The following SLC7A1 variants were observed in gnomAD, a reference collection of about 807,000 sequenced individuals.
SLC7A1 encodes the protein high affinity cationic amino acid transporter 1.
In SLC7A1, 10 loss-of-function variants were observed where a neutral mutation model predicts 53.9. That is an observed-to-expected ratio of 0.19 (90% CI 0.11 to 0.31). SLC7A1 has a LOEUF of 0.31. Among genes scored for constraint, SLC7A1 ranks in the 10% least tolerant of loss-of-function variants. SLC7A1 has a pLI of 1.00. For synonymous variants in SLC7A1, 342 were observed against 338.7 expected (o/e 1.01, Z -0.11); for missense variants, 525 against 827.2 (o/e 0.63, Z 4.48).
chr13:29,528,266 TCAACAGGCTTCC>T (rs1358448655), intron 5 of SLC7A1, among the ~76,000 whole-genome samples: 2 of 152,216 alleles, frequency 1.3e-5, no homozygotes, highest in African/African-American at 4.8e-5. Flanking sequence ...CAAAACCTTC[TCAACAGGCTTCC>T]ATGCAGGGTT....
chr13:29,591,173 T>C (rs1235595601), intron 1 of SLC7A1, among the ~76,000 whole-genome samples: 3 of 152,158 alleles, frequency 2.0e-5, no homozygotes, highest in East Asian at 3.8e-4. Flanking sequence ...TCCAGTATAA[T>C]AGTTAACACT....
At chr13:29,575,798 C>T (rs1361736710) in intron 1 of SLC7A1, among the ~76,000 whole-genome samples, 1 of 152,152 alleles carries the variant, frequency 6.6e-6, no homozygotes, top group African/African-American at 2.4e-5. Flanking sequence ...ATTTCTGTCC[C>T]TGTTTGAGGG....
At chr13:29,527,383 G>A (rs1426344400) in intron 5 of SLC7A1, among the ~76,000 whole-genome samples, 1 of 152,194 alleles carries the variant, frequency 6.6e-6, no homozygotes, top group African/African-American at 2.4e-5. Flanking sequence ...AAAAGATTGG[G>A]TGTTACTGAT....
chr13:29,564,715 G>T (rs1233794605), intron 1 of SLC7A1, among the ~76,000 whole-genome samples: 1 of 152,232 alleles, frequency 6.6e-6, no homozygotes, highest in African/African-American at 2.4e-5. Flanking sequence ...CCATGGACTA[G>T]CTGAATAAGC....
At chr13:29,532,699 A>C in intron 4 of SLC7A1, 125 bp downstream of exon 4, 1 of 895,334 alleles carries the variant, frequency 1.1e-6, no homozygotes, top group Non-Finnish European at 1.7e-6. Context: ...GCAGTACAAA[A>C]ACAAAACAAA....
At position 29,580,606 on chromosome 13, in the gene SLC7A1, T is replaced by C. The variant is rs3803268; in HGVS notation, c.-115+14810A>G. Among the ~76,000 whole-genome samples the C allele has an allele frequency of 2.6e-4, 39 of 152,304 alleles. No homozygotes were observed. In the East Asian group the frequency reaches 6.2e-3, roughly 24 times the overall value. On this transcript the variant is annotated intron_variant, in intron 1 of 12. Coordinates refer to ENST00000380752, the MANE Select transcript of SLC7A1 (RefSeq NM_003045.5). ...ACTAAACAATCAAGACATGTCTCCTTACCTGATTGATTTTCCCTCTCCAGC... is the reference window on the plus strand; with the variant it reads ...ACTAAACAATCAAGACATGTCTCCTCACCTGATTGATTTTCCCTCTCCAGC...
At chr13:29,570,787 G>A (rs1476880334) in intron 1 of SLC7A1, among the ~76,000 whole-genome samples, 1 of 151,674 alleles carries the variant, frequency 6.6e-6, no homozygotes, top group Non-Finnish European at 1.5e-5. Context: ...AGCCTAGGGA[G>A]GTAGAGGTGG....
chr13:29,586,713 AT>A (rs1871900913), intron 1 of SLC7A1: 1 of 152,226 alleles, frequency 6.6e-6, no homozygotes, highest in Non-Finnish European at 1.5e-5. Context: ...AAAAAGGAAA[AT>A]ACAATCTTAC....
chr13:29,559,784 C>T lies in SLC7A1; in HGVS notation c.-114-5924G>A, dbSNP rs1037105751. On this transcript the variant is annotated intron_variant, in intron 1 of 12. Transcript: ENST00000380752. ...AGGCTGGAGTGCAGTGGCGCGATCT[C>T]GGCTCACTGCAAGCTCCGCCTCCCA... is the stretch of plus-strand genomic sequence containing the variant. 7.9e-5 allele frequency among the ~76,000 whole-genome samples: 12 copies of T among 151,246 alleles called. No homozygotes were observed. The South Asian group carries it at 2.5e-3, about 32-fold the overall frequency.
chr13:29,584,695 A>G (rs1268820132), intron 1 of SLC7A1, among the ~76,000 whole-genome samples: 3 of 152,200 alleles, frequency 2.0e-5, no homozygotes, highest in African/African-American at 7.2e-5. Flanking sequence ...TTATATACAC[A>G]GACTTAAAGA....
At chr13:29,559,773 T>G (rs1325994305) in intron 1 of SLC7A1, among the ~76,000 whole-genome samples, 1 of 151,874 alleles carries the variant, frequency 6.6e-6, no homozygotes, top group Non-Finnish European at 1.5e-5. Context: ...TGGAGTGCAG[T>G]GGCGCGATCT....
At chr13:29,585,349 C>A (rs7318650) in intron 1 of SLC7A1, among the ~76,000 whole-genome samples, 11,054 of 152,146 alleles carry the variant, frequency 0.073, 445 homozygotes, top group Middle Eastern at 0.11. Flanking sequence ...ATGTCTAAAC[C>A]TAGTGTGTTT....
chr13:29,587,285 G>C (rs1593586578), intron 1 of SLC7A1, among the ~76,000 whole-genome samples: 1 of 152,154 alleles, frequency 6.6e-6, no homozygotes, highest in African/African-American at 2.4e-5. Flanking sequence ...AAAGGGGAGA[G>C]CCACTCTCAG....
At chr13:29,521,777 T>C (rs1868641269) in intron 8 of SLC7A1, among the ~76,000 whole-genome samples, 1 of 152,242 alleles carries the variant, frequency 6.6e-6, no homozygotes, top group South Asian at 2.1e-4. Context: ...GAGGCTCATC[T>C]GACAAGATGA....
At chr13:29,559,471 AG>A (rs71090264) in intron 1 of SLC7A1, among the ~76,000 whole-genome samples, 38 of 226 alleles carry the variant, frequency 0.17, 16 homozygotes, top group Non-Finnish European at 0.23. Context: ...AATGTGAGTG[AG>A]GGGGGAGTGA....
chr13:29,542,825 C>T (rs186042493), intron 2 of SLC7A1, among the ~76,000 whole-genome samples: 2 of 151,902 alleles, frequency 1.3e-5, no homozygotes. Flanking sequence ...AACCAATCGT[C>T]CACTTGTGCA....
chr13:29,530,684 C>A lies in SLC7A1; in HGVS notation c.558G>T (p.Ser186=), dbSNP rs774998779. 1.2e-5 allele frequency: 19 copies of A among 1,613,894 alleles called. No individual in the cohort carries two copies. The African/African-American group carries it at 2.3e-4, about 19-fold the overall frequency. The change falls in exon 5 of 13, where the codon TCG becomes TCT. Residue 186 remains serine (S), a synonymous_variant. Coordinates refer to ENST00000380752, the MANE Select transcript of SLC7A1 (RefSeq NM_003045.5). ...AAGTGAATATTTTGTTGACCATGGC[C>A]GACTCTTTCACACCAAGAGTTAAAA... The part of the protein sequence containing the change: ...TGLLTLGVKE[S]AMVNKIFTCI...
chr13:29,516,915 C>A (rs1489039850), intron 11 of SLC7A1: 4 of 445,290 alleles, frequency 9.0e-6, no homozygotes, highest in African/African-American at 2.0e-5. Flanking sequence ...AGGTGTCAGC[C>A]TGCCCTTGAC....
chr13:29,578,431 A>G (rs1219323891), intron 1 of SLC7A1, among the ~76,000 whole-genome samples: 3 of 152,194 alleles, frequency 2.0e-5, no homozygotes, highest in Non-Finnish European at 4.4e-5. Context: ...GCAAGTGTAG[A>G]TAAGAATACC....
Sources: allele counts gnomAD v4.1 joint callset (sites outside exome capture counted in the v4.1 genomes callset), GRCh38; gene constraint gnomAD v4.1.1; transcripts MANE v1.5; gene names NCBI Gene and HGNC (gene_info 2026-07-23, HGNC 2026-07-21).